CDH12: variants seen among roughly 807,000 people sequenced by gnomAD.
CDH12 encodes the protein cadherin-12.
CDH12 carries 41 observed loss-of-function variants against 74.1 expected under a neutral mutation model. The observed-to-expected ratio is 0.55, with a 90% CI of 0.43 to 0.72. The LOEUF is 0.72. Among genes scored for constraint, CDH12 ranks in the 30% least tolerant of loss-of-function variants. The pLI, the probability that CDH12 is intolerant of heterozygous loss-of-function variation, is 0.00. For synonymous variants in CDH12, 399 were observed against 355.0 expected, an observed-to-expected ratio of 1.12 and a Z score of -1.39; for missense variants, 945 against 977.2, an observed-to-expected ratio of 0.97 and a Z score of 0.44.
intron 3 of CDH12, among the ~76,000 whole-genome samples, chr5:22,374,993 T>C (rs1286032361): frequency 1.3e-5 from 2 of 151,748 alleles, no homozygotes; most frequent in African/African-American, 4.8e-5. Flanking sequence ...CACCAAATAG[T>C]CAAAGCAATA....
intron 1 of CDH12, among the ~76,000 whole-genome samples, chr5:22,505,928 G>C (rs183473862): frequency 6.6e-6 from 1 of 152,026 alleles, no homozygotes; most frequent in Non-Finnish European, 1.5e-5. Context: ...AAGGGTATGT[G>C]TGTCATCAGT....
At chr5:22,734,720 GA>G (rs1179616443) in intron 1 of CDH12, among the ~76,000 whole-genome samples, 1 of 151,884 alleles carries the variant, frequency 6.6e-6, no homozygotes, top group Admixed American at 6.6e-5. Context: ...CCCCCTCTAA[GA>G]CACCCATGCA....
intron 3 of CDH12, among the ~76,000 whole-genome samples, chr5:22,261,788 C>CAA (rs34114097): frequency 0.068 from 9,823 of 144,378 alleles, 866 homozygotes; most frequent in African/African-American, 0.21. Context: ...GAAAGAAAGC[C>CAA]AAAAAAAAAA....
chr5:21,938,560 C>G (rs930970655), intron 6 of CDH12, among the ~76,000 whole-genome samples: 1 of 149,142 alleles, frequency 6.7e-6, no homozygotes, highest in South Asian at 2.1e-4. Flanking sequence ...CACAGAGAGA[C>G]AAGAATCAAA....
chr5:22,613,090 G>A (rs573911400), intron 1 of CDH12, among the ~76,000 whole-genome samples: 1 of 152,144 alleles, frequency 6.6e-6, no homozygotes, highest in African/African-American at 2.4e-5. Flanking sequence ...GCATCTTAAT[G>A]TGATGACATC....
rs529828167 is a variant in CDH12 at position 22,277,472 on chromosome 5, C to G, written c.-332-64829G>C. On this transcript the variant is annotated intron_variant, in intron 3 of 14. Coordinates refer to ENST00000382254, the MANE Select transcript of CDH12 (RefSeq NM_004061.5). The stretch of plus-strand genomic sequence containing the variant: ...AGGTCACTCTGCCCAGAGATATCTT[C>G]TCTGAGACCCATAGTGCTACTCTAT... Among the ~76,000 whole-genome samples, 32 of 152,212 alleles carry G rather than the reference C, an allele frequency of 2.1e-4. 1 individual carries two copies. The East Asian group carries it at 5.4e-3, about 26-fold the overall frequency.
At chr5:22,124,281 G>A (rs962070534) in intron 4 of CDH12, among the ~76,000 whole-genome samples, 10 of 151,994 alleles carry the variant, frequency 6.6e-5, no homozygotes, top group Non-Finnish European at 1.2e-4. Flanking sequence ...GGGCCACCAC[G>A]CCCAGCCAAT....
At position 22,306,161 on chromosome 5, in the gene CDH12, GC is replaced by G. The variant is rs1192904258; in HGVS notation, c.-332-93519del. 2.5e-3 allele frequency among the ~76,000 whole-genome samples: 374 copies of G among 152,270 alleles called. 3 individuals carry two copies. The highest frequency in any genetic ancestry group is 8.9e-3 in the African/African-American group (368 of 41,552). On this transcript the variant is annotated intron_variant, in intron 3 of 14. Transcript: ENST00000382254. The stretch of plus-strand genomic sequence containing the variant: ...CCCCCTCTACTACAAGAACCCTTCT[GC>G]TCACCAGTTGCAATTTATACTGTTC...
intron 9 of CDH12, among the ~76,000 whole-genome samples, chr5:21,813,565 T>C (rs981139324): frequency 2.0e-5 from 3 of 152,168 alleles, no homozygotes; most frequent in Admixed American, 2.0e-4. Context: ...TCACGATCTG[T>C]TAATAATTCA....
At chr5:22,467,638 T>C (rs1380360261) in intron 2 of CDH12, among the ~76,000 whole-genome samples, 2 of 152,204 alleles carry the variant, frequency 1.3e-5, no homozygotes, top group African/African-American at 4.8e-5. Flanking sequence ...ATCTGGCACA[T>C]AGTAGTTGTT....
intron 5 of CDH12, among the ~76,000 whole-genome samples, chr5:22,062,275 G>A (rs1392042464): frequency 2.6e-5 from 4 of 152,216 alleles, no homozygotes; most frequent in South Asian, 4.1e-4. Context: ...AAATTGTAAA[G>A]GAGAGAGAAC....
intron 5 of CDH12, among the ~76,000 whole-genome samples, chr5:22,041,767 A>C (rs1035198822): frequency 2.6e-5 from 4 of 152,158 alleles, no homozygotes; most frequent in African/African-American, 9.6e-5. Context: ...CAGAGAAGTA[A>C]TGAGGAAATA....
chr5:22,460,389 C>A (rs147547165), intron 2 of CDH12, among the ~76,000 whole-genome samples: 2 of 152,034 alleles, frequency 1.3e-5, no homozygotes, highest in African/African-American at 2.4e-5. Flanking sequence ...TCTGCTCTTA[C>A]GAACAAAGAA....
intron 1 of CDH12, among the ~76,000 whole-genome samples, chr5:22,627,695 C>T (rs1236721038): frequency 6.6e-6 from 1 of 151,988 alleles, no homozygotes; most frequent in South Asian, 2.1e-4. Flanking sequence ...GCATAATAAC[C>T]AGATAACTAC....
At chr5:22,749,270 G>A (rs1745444365) in intron 1 of CDH12, among the ~76,000 whole-genome samples, 1 of 152,246 alleles carries the variant, frequency 6.6e-6, no homozygotes, top group South Asian at 2.1e-4. Flanking sequence ...CCTGTCTGAA[G>A]CGCAGGTGAG....
intron 1 of CDH12, among the ~76,000 whole-genome samples, chr5:22,721,838 T>C (rs1743910901): frequency 6.6e-6 from 1 of 152,174 alleles, no homozygotes; most frequent in Non-Finnish European, 1.5e-5. Context: ...TCTTCCTCTT[T>C]AGCTTACTCT....
intron 4 of CDH12, among the ~76,000 whole-genome samples, chr5:22,091,089 CAAGAA>C (rs1042719542): frequency 3.3e-5 from 5 of 149,942 alleles, no homozygotes; most frequent in African/African-American, 1.2e-4. Context: ...GCAAATTAGA[CAAGAA>C]AAGAGGGAAA....
intron 4 of CDH12, among the ~76,000 whole-genome samples, chr5:22,100,242 C>A (rs977488979): frequency 6.6e-6 from 1 of 152,064 alleles, no homozygotes; most frequent in Non-Finnish European, 1.5e-5. Flanking sequence ...ATGTATGCAT[C>A]CCTGATTCTA....
intron 4 of CDH12, among the ~76,000 whole-genome samples, chr5:22,147,327 ATGTT>A (rs1747253770): frequency 6.6e-6 from 1 of 151,954 alleles, no homozygotes; most frequent in Admixed American, 6.6e-5. Flanking sequence ...CCTTTGGAGG[ATGTT>A]TGTTCTTTTT....
Sources: gnomAD v4.1 joint callset for allele counts (sites outside exome capture counted in the v4.1 genomes callset) on GRCh38, gnomAD v4.1.1 for gene constraint, MANE v1.5 for transcripts, NCBI Gene and HGNC (gene_info 2026-07-23, HGNC 2026-07-21) for gene names.